Variants in FRMD4A observed in about 807,000 individuals in gnomAD.
FRMD4A encodes the protein FERM domain-containing protein 4A.
In FRMD4A, 29 loss-of-function variants were observed where a neutral mutation model predicts 129.1. The observed-to-expected ratio is 0.22, with a 90% confidence interval of 0.17 to 0.31. The LOEUF is 0.31. Ranked by LOEUF, FRMD4A falls within the 10% of genes least tolerant of loss-of-function variation. The probability of loss-of-function intolerance (pLI) is 1.00; values close to 1 mark genes in which losing one functional copy is unlikely to be tolerated. For missense variants in FRMD4A, 1,272 were observed against 1,375.8 expected, an observed-to-expected ratio of 0.92 and a Z score of 1.19; for synonymous variants, 634 against 571.6, an observed-to-expected ratio of 1.11 and a Z score of -1.56.
At chr10:14,292,168 G>A (rs941513745) in intron 2 of FRMD4A, among the ~76,000 whole-genome samples, 36 of 152,252 alleles carry the variant, frequency 2.4e-4, no homozygotes, top group African/African-American at 7.5e-4. Context: ...GAATATTTAC[G>A]AAACTGGATG....
At chr10:13,660,207 A>C in intron 20 of FRMD4A, 109 bp downstream of exon 20, 6 of 721,280 alleles carry the variant, frequency 8.3e-6, no homozygotes, top group South Asian at 1.7e-5. Flanking sequence ...ACGGGGAGGA[A>C]CTAGGTTGAT....
At chr10:13,791,456 T>TGTGAGA (rs150860629) in intron 5 of FRMD4A, among the ~76,000 whole-genome samples, 2 of 150,862 alleles carry the variant, frequency 1.3e-5, no homozygotes, top group Non-Finnish European at 3.0e-5. Context: ...GGTGTGTGTG[T>TGTGAGA]GAGAGAAAGG....
At chr10:14,108,620 CA>C (rs1837708913) in intron 2 of FRMD4A, among the ~76,000 whole-genome samples, 1 of 152,056 alleles carries the variant, frequency 6.6e-6, no homozygotes, top group African/African-American at 2.4e-5. Flanking sequence ...TCCTGTTTAG[CA>C]AAAAGAAGGA....
chr10:14,171,433 C>T (rs542799462), intron 2 of FRMD4A, among the ~76,000 whole-genome samples: 15 of 152,346 alleles, frequency 9.8e-5, no homozygotes, highest in Non-Finnish European at 1.9e-4. Flanking sequence ...CTGTGTATCA[C>T]TGACAATGCA....
rs138243858 is a variant in FRMD4A, at chr10:13,660,568, G to T, written c.1661-15C>A. 8.6e-6 allele frequency: 13 copies of T among 1,507,736 alleles called. No individual in the cohort carries two copies. The Admixed American group carries it at 2.1e-4, about 24-fold the overall frequency. 93.4% of individuals were successfully genotyped at this position (1,507,736 alleles called of 1,614,324 possible). A position where few individuals can be genotyped will look rare whatever the true frequency, so the allele number is the denominator to read the frequency against. Reference sequence around the variant, plus strand: ...CTGAGAGTCTTCTGCACAAAGACAGGAAGAGAGGAACTGAGCCCCGGTCAT... The same window carrying T: ...CTGAGAGTCTTCTGCACAAAGACAGTAAGAGAGGAACTGAGCCCCGGTCAT... On this transcript the variant is annotated splice_polypyrimidine_tract_variant and intron_variant, in intron 19 of 24. Coordinates refer to ENST00000357447, the MANE Select transcript of FRMD4A (RefSeq NM_018027.5).
chr10:14,038,087 C>G (rs1451855810), intron 2 of FRMD4A, among the ~76,000 whole-genome samples: 1 of 152,196 alleles, frequency 6.6e-6, no homozygotes, highest in Non-Finnish European at 1.5e-5. Flanking sequence ...TTTTGGGAGG[C>G]CGAGGCGGGT....
chr10:13,932,314 T>C (rs969076037), intron 2 of FRMD4A, among the ~76,000 whole-genome samples: 1 of 152,238 alleles, frequency 6.6e-6, no homozygotes, highest in Non-Finnish European at 1.5e-5. Flanking sequence ...ATGGGTCATG[T>C]CCTCTCTGTG....
intron 2 of FRMD4A, among the ~76,000 whole-genome samples, chr10:14,215,811 C>T (rs1843057012): frequency 2.0e-5 from 3 of 152,056 alleles, no homozygotes; most frequent in Admixed American, 6.5e-5. Flanking sequence ...GAAAGCCTAC[C>T]GTGAAATTAA....
At chr10:14,052,915 C>G (rs892408720) in intron 2 of FRMD4A, among the ~76,000 whole-genome samples, 2 of 151,900 alleles carry the variant, frequency 1.3e-5, no homozygotes, top group African/African-American at 4.8e-5. Flanking sequence ...AGAGTGATAA[C>G]TCATTCTTTA....
At chr10:14,129,849 C>A (rs566277657) in intron 2 of FRMD4A, among the ~76,000 whole-genome samples, 1 of 152,310 alleles carries the variant, frequency 6.6e-6, no homozygotes, top group South Asian at 2.1e-4. Flanking sequence ...TTGAAACTGG[C>A]AAACTTCCTT....
chr10:14,035,402 A>C (rs1458391466), intron 2 of FRMD4A, among the ~76,000 whole-genome samples: 1 of 150,110 alleles, frequency 6.7e-6, no homozygotes, highest in Non-Finnish European at 1.5e-5. Context: ...ACAAAGCAAG[A>C]CTCCATCTCA....
At chr10:14,237,151 C>T (rs1843853213) in intron 2 of FRMD4A, among the ~76,000 whole-genome samples, 1 of 151,780 alleles carries the variant, frequency 6.6e-6, no homozygotes, top group African/African-American at 2.4e-5. Flanking sequence ...CCCACAGCTG[C>T]ACAGAAGTCA....
chr10:14,151,432 A>G (rs1840333974), intron 2 of FRMD4A, among the ~76,000 whole-genome samples: 1 of 152,178 alleles, frequency 6.6e-6, no homozygotes, highest in African/African-American at 2.4e-5. Context: ...CTCACTTTTA[A>G]GTGGGAGCTA....
At chr10:14,195,547 C>A (rs1842448547) in intron 2 of FRMD4A, among the ~76,000 whole-genome samples, 1 of 152,162 alleles carries the variant, frequency 6.6e-6, no homozygotes, top group Non-Finnish European at 1.5e-5. Context: ...TTATTCCATT[C>A]TCTCCTCGGA....
At chr10:14,244,553 G>T (rs1453079281) in intron 2 of FRMD4A, among the ~76,000 whole-genome samples, 4 of 152,208 alleles carry the variant, frequency 2.6e-5, no homozygotes, top group African/African-American at 9.7e-5. Context: ...TTTAAAGGTA[G>T]TTATAAACCA....
chr10:13,671,440 C>G (rs527258805), intron 16 of FRMD4A, among the ~76,000 whole-genome samples: 1 of 151,778 alleles, frequency 6.6e-6, no homozygotes, highest in South Asian at 2.1e-4. Context: ...GGTGACAGAT[C>G]GAGACTCTGT....
chr10:14,208,370 C>A (rs1842845159), intron 2 of FRMD4A, among the ~76,000 whole-genome samples: 2 of 152,120 alleles, frequency 1.3e-5, no homozygotes, highest in African/African-American at 4.8e-5. Flanking sequence ...GGAGGGCTGT[C>A]CTCTCTGTCA....
At position 14,166,697 on chromosome 10, in the gene FRMD4A, G is replaced by C. The variant is rs200400094; in HGVS notation, c.45+163361C>G. 3.9e-5 allele frequency among the ~76,000 whole-genome samples: 6 copies of C among 152,150 alleles called. No individual in the cohort carries two copies. The East Asian group carries it at 9.6e-4, about 24-fold the overall frequency. Reference sequence around the variant, plus strand: ...GTTATTATTACTCACCCAAAGAACAGGATAGGAAAAGGGCAACGAAATGGC... The same window carrying C: ...GTTATTATTACTCACCCAAAGAACACGATAGGAAAAGGGCAACGAAATGGC... On this transcript the variant is annotated intron_variant, in intron 2 of 24. Coordinates refer to ENST00000357447, the MANE Select transcript of FRMD4A (RefSeq NM_018027.5).
chr10:13,967,979 G>C (rs1258011215), intron 2 of FRMD4A, among the ~76,000 whole-genome samples: 2 of 152,134 alleles, frequency 1.3e-5, no homozygotes, highest in African/African-American at 4.8e-5. Context: ...CAGGAGGTCG[G>C]GGCTGCAGTG....
Sources: allele counts gnomAD v4.1 joint callset (sites outside exome capture counted in the v4.1 genomes callset), GRCh38; gene constraint gnomAD v4.1.1; transcripts MANE v1.5; gene names NCBI Gene and HGNC (gene_info 2026-07-23, HGNC 2026-07-21).